Variants in CACNA1H observed in about 807,000 individuals in gnomAD.
CACNA1H encodes the protein calcium voltage-gated channel subunit alpha1 H.
In CACNA1H, 149 loss-of-function variants were observed where a neutral mutation model predicts 192.5. That is an observed-to-expected ratio of 0.77 (90% confidence interval 0.68 to 0.89). The LOEUF (loss-of-function observed/expected upper bound fraction) is 0.89. CACNA1H is among the 40% of genes least tolerant of loss of function. The pLI is 0.00. For synonymous variants in CACNA1H, 2,202 were observed against 1,475.2 expected (o/e 1.49, Z -11.29); for missense variants, 4,257 against 3,423.5 (o/e 1.24, Z -6.08).
At chr16:1,181,917 A>T (rs1384790630) in intron 2 of CACNA1H, among the ~76,000 whole-genome samples, 1 of 151,654 alleles carries the variant, frequency 6.6e-6, no homozygotes. Context: ...TGCGCCCCTC[A>T]CACATGCATG....
intron 3 of CACNA1H, 121 bp downstream of exon 3, chr16:1,195,204 G>T: frequency 1.1e-6 from 1 of 907,622 alleles, no homozygotes; most frequent in South Asian, 1.6e-5. Flanking sequence ...GTCAGGGTCG[G>T]GGATCAGGGC....
chr16:1,218,735 T>G (rs1337393552), intron 33 of CACNA1H, 84 bp downstream of exon 33: 14 of 1,310,352 alleles, frequency 1.1e-5, no homozygotes, highest in African/African-American at 6.1e-5. Context: ...GAGGATGGGG[T>G]CAGGCCAGAG....
At chr16:1,195,716 C>T (rs999386572) in intron 4 of CACNA1H, among the ~76,000 whole-genome samples, 151 bp downstream of exon 4, 2 of 152,098 alleles carry the variant, frequency 1.3e-5, no homozygotes, top group African/African-American at 4.8e-5. Context: ...CTCCGGAGAC[C>T]CTCCCTCCTG....
chr16:1,154,094 C>T (rs1252198165), intron 2 of CACNA1H, 58 bp downstream of exon 2: 6 of 354,086 alleles, frequency 1.7e-5, no homozygotes, highest in African/African-American at 9.5e-5. Context: ...GGTGGGGGCC[C>T]GGGGCGCGGG....
chr16:1,185,167 T>C lies in CACNA1H; in HGVS notation c.300-9805T>C, dbSNP rs562635289. 2.8e-4 allele frequency among the ~76,000 whole-genome samples: 43 copies of C among 152,308 alleles called. No homozygotes were observed. In the South Asian group the frequency reaches 8.1e-3, roughly 29 times the overall value. On this transcript the variant is annotated intron_variant, in intron 2 of 34. Transcript: ENST00000348261. Reference sequence around the variant, plus strand: ...ATCATGTTCCCGGGTTCACCTGTGTTGTGGCGTGTGGAGCTTTCTTCCTTT... The same window carrying C: ...ATCATGTTCCCGGGTTCACCTGTGTCGTGGCGTGTGGAGCTTTCTTCCTTT...
At chr16:1,171,404 G>A (rs927448930) in intron 2 of CACNA1H, among the ~76,000 whole-genome samples, 14 of 152,192 alleles carry the variant, frequency 9.2e-5, no homozygotes, top group South Asian at 4.1e-4. Context: ...CTGGGTTCCC[G>A]GGCAGAGAAC....
intron 17 of CACNA1H, 87 bp from the exon 18 acceptor site, chr16:1,209,948 G>T: frequency 2.1e-6 from 2 of 949,020 alleles, no homozygotes; most frequent in Non-Finnish European, 3.2e-6. Flanking sequence ...GGTGCTGGGA[G>T]GGGTGGCCGA....
chr16:1,188,213 C>T (rs1210752646), intron 2 of CACNA1H, among the ~76,000 whole-genome samples: 1 of 152,168 alleles, frequency 6.6e-6, no homozygotes, highest in Non-Finnish European at 1.5e-5. Context: ...GCCAGCGGGT[C>T]TGGGCGGTCC....
At chr16:1,161,357 C>A (rs1963176681) in intron 2 of CACNA1H, among the ~76,000 whole-genome samples, 1 of 152,210 alleles carries the variant, frequency 6.6e-6, no homozygotes, top group Admixed American at 6.5e-5. Context: ...GTGTTCTCAC[C>A]CCTTCTCCCC....
At position 1,153,798 on chromosome 16, in the gene CACNA1H, G is replaced by T; in HGVS notation, c.61G>T (p.Gly21Cys). The change falls in exon 2 of 35, where the codon GGC becomes TGC. Residue 21 changes from glycine to cysteine, a missense_variant. Gly to Cys is a radical substitution (Grantham distance 159). Coordinates refer to ENST00000348261, the MANE Select transcript of CACNA1H (RefSeq NM_021098.3). ...GGTGCCCCTGGGCGCGCCGCCCCCT[G>T]GCCCTGCGGCGTTGGTGGGGGCGTC... is the stretch of plus-strand genomic sequence containing the variant. The part of the protein sequence containing the change: ...VRVPLGAPPP[G>C]PAALVGASPE... The T allele has an allele frequency of 8.0e-7, 1 of 1,250,562 alleles. No homozygotes were observed. Among genetic ancestry groups the T allele is most frequent in the Non-Finnish European group, 1.0e-6 (1 of 998,242 alleles). The allele number at this position is 1,250,562 out of a possible 1,614,324, so 77.5% of individuals were successfully genotyped here.
chr16:1,176,100 C>T (rs996266472), intron 2 of CACNA1H, among the ~76,000 whole-genome samples: 24 of 152,362 alleles, frequency 1.6e-4, no homozygotes, highest in East Asian at 1.5e-3. Flanking sequence ...TACACCTCAT[C>T]GCAGATTGGC....
chr16:1,200,620 C>T (rs766540396), intron 7 of CACNA1H, 49 bp downstream of exon 7: 14 of 1,598,704 alleles, frequency 8.8e-6, no homozygotes, highest in East Asian at 2.2e-5. Flanking sequence ...GGCAGGGGAG[C>T]GGGTGCAGGA....
intron 27 of CACNA1H, 94 bp from the exon 28 acceptor site, chr16:1,214,878 G>A (rs572185300): frequency 1.5e-5 from 14 of 933,450 alleles, no homozygotes; most frequent in South Asian, 1.3e-4. Flanking sequence ...CTCCAGGGCC[G>A]GCCAGCGGGG....
chr16:1,155,228 T>C (rs557087872), intron 2 of CACNA1H, among the ~76,000 whole-genome samples: 56 of 152,296 alleles, frequency 3.7e-4, no homozygotes, highest in South Asian at 1.4e-3. Flanking sequence ...GCTGCTGTGG[T>C]CCCGGGGGCA....
chr16:1,179,390 G>A (rs1965237450), intron 2 of CACNA1H, among the ~76,000 whole-genome samples: 1 of 152,186 alleles, frequency 6.6e-6, no homozygotes, highest in Non-Finnish European at 1.5e-5. Context: ...GCCCCCGCGA[G>A]GTTGGGGAGG....
chr16:1,220,736 T>G lies in CACNA1H; in HGVS notation c.6804T>G (p.Phe2268Leu), dbSNP rs766207096. ...ACCTGACCGTCCCCAGCTTTGCCTT[T>G]GAGCCGCTGGACCTCGGGGTCCCCA... Reference protein sequence around the residue: ...AEHLTVPSFAFEPLDLGVPSG... With the variant: ...AEHLTVPSFALEPLDLGVPSG... Residue 2268 changes from phenylalanine to leucine, a missense_variant, in exon 35 of 35, where the codon TTT becomes TTG. By Grantham distance (22) the Phe-to-Leu change is conservative. Transcript: ENST00000348261. The G allele has an allele frequency of 1.9e-6, 3 of 1,612,336 alleles. No individual in the cohort carries two copies. The highest frequency in any genetic ancestry group is 2.5e-6 in the Non-Finnish European group (3 of 1,179,686).
At position 1,221,547 on chromosome 16, in the gene CACNA1H, A is replaced by G. The variant is rs1970480492; in HGVS notation, c.*553A>G. On this transcript the variant is annotated 3_prime_UTR_variant, in exon 35 of 35. Coordinates refer to ENST00000348261, the MANE Select transcript of CACNA1H (RefSeq NM_021098.3). ...GTCCTGTGACTCTGGGAGAGGTGAC[A>G]CCTCACTAAGGGGCCGACCCCATGG... 1 of 503,052 alleles carries G rather than the reference A, an allele frequency of 2.0e-6. No individual in the cohort carries two copies. Among genetic ancestry groups the G allele is most frequent in the Non-Finnish European group, 3.5e-6 (1 of 285,778 alleles). 31.2% of individuals were successfully genotyped at this position (503,052 alleles called of 1,614,324 possible). A position where few individuals can be genotyped will look rare whatever the true frequency, so the allele number is the denominator to read the frequency against.
At chr16:1,177,689 C>T (rs893224936) in intron 2 of CACNA1H, among the ~76,000 whole-genome samples, 9 of 151,884 alleles carry the variant, frequency 5.9e-5, no homozygotes, top group African/African-American at 1.5e-4. Flanking sequence ...GCTGGACGTC[C>T]CAGGGAAGGG....
chr16:1,163,609 C>G (rs1457949087), intron 2 of CACNA1H, among the ~76,000 whole-genome samples: 1 of 152,254 alleles, frequency 6.6e-6, no homozygotes, highest in African/African-American at 2.4e-5. Flanking sequence ...GCCGCCAGCC[C>G]TGGCTGTGGT....
Sources: gnomAD v4.1 joint callset for allele counts (sites outside exome capture counted in the v4.1 genomes callset) on GRCh38, gnomAD v4.1.1 for gene constraint, MANE v1.5 for transcripts, NCBI Gene and HGNC (gene_info 2026-07-23, HGNC 2026-07-21) for gene names.